RXRG: variants seen among roughly 807,000 people sequenced by gnomAD.
RXRG encodes retinoic acid receptor RXR-gamma.
RXRG carries 19 observed loss-of-function variants against 49.2 expected under a neutral mutation model. The ratio of observed to expected loss-of-function variants is 0.39; its 90% confidence interval spans 0.27 to 0.57. The LOEUF (loss-of-function observed/expected upper bound fraction) is 0.57, where lower values mean the gene tolerates loss of function less well. Ranked by LOEUF, RXRG falls within the 20% of genes least tolerant of loss-of-function variation. The pLI, the probability that RXRG is intolerant of heterozygous loss-of-function variation, is 0.64. For missense variants in RXRG, 452 were observed against 592.5 expected (o/e 0.76, Z 2.46); for synonymous variants, 224 against 216.6 (o/e 1.03, Z -0.30).
chr1:165,442,907 T>C (rs1036710202), intron 1 of RXRG, among the ~76,000 whole-genome samples: 1 of 152,204 alleles, frequency 6.6e-6, no homozygotes, highest in Non-Finnish European at 1.5e-5. Context: ...GCACACTACC[T>C]CTTCCTGCCT....
At chr1:165,414,262 A>G (rs941153441) in intron 4 of RXRG, among the ~76,000 whole-genome samples, 4 of 152,182 alleles carry the variant, frequency 2.6e-5, no homozygotes, top group African/African-American at 9.7e-5. Flanking sequence ...GTTTCTCCAC[A>G]TTCTTTTAAA....
chr1:165,419,633 T>C (rs1054757003), intron 3 of RXRG, among the ~76,000 whole-genome samples: 5 of 152,220 alleles, frequency 3.3e-5, no homozygotes, highest in African/African-American at 9.6e-5. Flanking sequence ...ATAGTGTGAC[T>C]CCAGAGAAGG....
chr1:165,439,003 G>A (rs1437919825), intron 1 of RXRG, among the ~76,000 whole-genome samples: 2 of 152,000 alleles, frequency 1.3e-5, no homozygotes, highest in African/African-American at 2.4e-5. Context: ...TTTAAAGCAG[G>A]TTTTCTAAAA....
chr1:165,417,290 T>A, intron 3 of RXRG, 70 bp from the exon 4 acceptor site: 2 of 1,395,084 alleles, frequency 1.4e-6, no homozygotes, highest in Non-Finnish European at 2.0e-6. Context: ...CAAAAGAACC[T>A]CTTGGCTCTT....
chr1:165,413,740 A>C (rs993913729), intron 4 of RXRG, among the ~76,000 whole-genome samples: 1 of 152,184 alleles, frequency 6.6e-6, no homozygotes, highest in African/African-American at 2.4e-5. Context: ...AGAGGGTCCC[A>C]GTCCTATACA....
At chr1:165,429,141 G>A (rs1658591448) in intron 1 of RXRG, among the ~76,000 whole-genome samples, 175 bp from the exon 2 acceptor site, 1 of 152,144 alleles carries the variant, frequency 6.6e-6, no homozygotes, top group African/African-American at 2.4e-5. Flanking sequence ...ATAAAGACAA[G>A]CGAGGGACAC....
intron 2 of RXRG, among the ~76,000 whole-genome samples, chr1:165,422,777 T>C (rs1423109084): frequency 6.6e-6 from 1 of 152,170 alleles, no homozygotes; most frequent in Non-Finnish European, 1.5e-5. Flanking sequence ...AGGTACAGCA[T>C]GAGGAAAGAT....
At position 165,401,428 on chromosome 1, in the gene RXRG, G is replaced by A; in HGVS notation, c.1245-18C>T. 6.2e-7 allele frequency: 1 copy of A among 1,613,310 alleles called. No individual in the cohort carries two copies. Among genetic ancestry groups the A allele is most frequent in the Non-Finnish European group, 8.5e-7 (1 of 1,179,996 alleles). ...TGGCAAACCTGCAGGGAAGCCAAGA[G>A]GCATCAGGGACAGGGACGGGCAGGC... On this transcript the variant is annotated intron_variant, in intron 9 of 9. Transcript: ENST00000359842.
chr1:165,419,465 A>G (rs1658238870), intron 3 of RXRG, among the ~76,000 whole-genome samples: 1 of 151,354 alleles, frequency 6.6e-6, no homozygotes. Flanking sequence ...ATCATGGCTC[A>G]CTGCAGGCTT....
At chr1:165,434,272 A>G (rs157884) in intron 1 of RXRG, among the ~76,000 whole-genome samples, 8,201 of 66,690 alleles carry the variant, frequency 0.12, 280 homozygotes, top group South Asian at 0.25. Flanking sequence ...AATGAATTGC[A>G]TGTGTGTATG....
chr1:165,408,224 T>A lies in RXRG; in HGVS notation c.1138+3A>T, dbSNP rs1557910239. The A allele has an allele frequency of 5.6e-6, 9 of 1,612,206 alleles. No individual in the cohort carries two copies. The highest frequency in any genetic ancestry group is 7.6e-6 in the Non-Finnish European group (9 of 1,178,366). ...ACATCCCCTGGGGTTGAAGGGCGGT[T>A]ACCTGGGTTAAAGAGTACAATGGCT... On this transcript the variant is annotated splice_donor_region_variant and intron_variant, in intron 8 of 9. Transcript: ENST00000359842.
intron 1 of RXRG, among the ~76,000 whole-genome samples, chr1:165,439,518 AC>A (rs2101747901): frequency 6.6e-6 from 1 of 152,322 alleles, no homozygotes; most frequent in African/African-American, 2.4e-5. Context: ...AGCAGCGTCA[AC>A]CCATCAGCTA....
intron 1 of RXRG, among the ~76,000 whole-genome samples, chr1:165,429,460 G>A (rs1380541600): frequency 6.6e-6 from 1 of 152,188 alleles, no homozygotes; most frequent in Admixed American, 6.5e-5. Context: ...ATTTATTAGG[G>A]TGCCAGGTGC....
At chr1:165,407,995 C>A (rs34168595) in intron 8 of RXRG, among the ~76,000 whole-genome samples, 32 of 152,276 alleles carry the variant, frequency 2.1e-4, no homozygotes, top group African/African-American at 7.7e-4. Context: ...TTCACTGCCA[C>A]CCTGGGCCAC....
intron 1 of RXRG, among the ~76,000 whole-genome samples, chr1:165,437,919 T>C (rs1658864652): frequency 6.6e-6 from 1 of 152,224 alleles, no homozygotes; most frequent in East Asian, 1.9e-4. Flanking sequence ...ATTCATTATA[T>C]GCAGAAATGT....
At chr1:165,422,438 T>A (rs1282995849) in intron 2 of RXRG, among the ~76,000 whole-genome samples, 1 of 152,192 alleles carries the variant, frequency 6.6e-6, no homozygotes, top group African/African-American at 2.4e-5. Flanking sequence ...GAAGGAAAGA[T>A]CACATGCTAT....
intron 2 of RXRG, among the ~76,000 whole-genome samples, chr1:165,420,327 C>T (rs1424630605): frequency 6.6e-6 from 1 of 152,188 alleles, no homozygotes; most frequent in African/African-American, 2.4e-5. Flanking sequence ...CCAAATTACA[C>T]ACCCAGGACA....
chr1:165,422,494 A>ATG (rs1658354151), intron 2 of RXRG, among the ~76,000 whole-genome samples: 3 of 117,940 alleles, frequency 2.5e-5, no homozygotes, highest in South Asian at 3.3e-4. Flanking sequence ...TTGAGCTGGG[A>ATG]CGACAGCCTT....
At chr1:165,432,194 T>A (rs975754976) in intron 1 of RXRG, among the ~76,000 whole-genome samples, 1 of 152,192 alleles carries the variant, frequency 6.6e-6, no homozygotes, top group African/African-American at 2.4e-5. Flanking sequence ...GTAAGTTAAC[T>A]TGACTACTGA....
Sources: gnomAD v4.1 joint callset for allele counts (sites outside exome capture counted in the v4.1 genomes callset) on GRCh38, gnomAD v4.1.1 for gene constraint, MANE v1.5 for transcripts, NCBI Gene and HGNC (gene_info 2026-07-23, HGNC 2026-07-21) for gene names.